The following PIK3R1 variants were observed in gnomAD, a reference collection of about 807,000 sequenced individuals.
PIK3R1 encodes the protein phosphoinositide-3-kinase regulatory subunit 1, also known as phosphatidylinositol 3-kinase regulatory subunit alpha.
PIK3R1 carries 29 observed loss-of-function variants against 98.0 expected under a neutral mutation model. The ratio of observed to expected loss-of-function variants is 0.30; its 90% CI spans 0.22 to 0.40. The LOEUF (loss-of-function observed/expected upper bound fraction) is 0.40, where lower values mean the gene tolerates loss of function less well. Ranked by LOEUF, PIK3R1 falls within the 10% of genes least tolerant of loss-of-function variation. PIK3R1 has a pLI of 1.00. For missense variants in PIK3R1, 596 were observed against 872.7 expected (o/e 0.68, Z 3.99); for synonymous variants, 282 against 311.8 (o/e 0.90, Z 1.01).
At chr5:68,249,252 G>T (rs1745212485) in intron 2 of PIK3R1, among the ~76,000 whole-genome samples, 1 of 152,104 alleles carries the variant, frequency 6.6e-6, no homozygotes. Context: ...TGTTCCAGTT[G>T]GTTTTGTTCC....
At chr5:68,250,154 T>TGCA (rs1745247855) in intron 2 of PIK3R1, among the ~76,000 whole-genome samples, 1 of 152,174 alleles carries the variant, frequency 6.6e-6, no homozygotes, top group Non-Finnish European at 1.5e-5. Context: ...CCTTAGCACT[T>TGCA]GCTCCTCTCC....
intron 2 of PIK3R1, among the ~76,000 whole-genome samples, chr5:68,250,949 T>C (rs997978039): frequency 6.6e-6 from 1 of 152,212 alleles, no homozygotes; most frequent in Non-Finnish European, 1.5e-5. Context: ...CTTCAGAAGA[T>C]AATTTTAAGA....
At chr5:68,281,064 AATG>A (rs1485522729) in intron 7 of PIK3R1, 58 bp downstream of exon 7, 1 of 1,133,642 alleles carries the variant, frequency 8.8e-7, no homozygotes, top group African/African-American at 1.6e-5. Flanking sequence ...AGCCTTAAAA[AATG>A]ATGGCTATAA....
At chr5:68,262,874 G>GATACATGTAGATACATGTATACATAT (rs1561279008) in intron 2 of PIK3R1, among the ~76,000 whole-genome samples, 1 of 87,834 alleles carries the variant, frequency 1.1e-5, no homozygotes, top group African/African-American at 4.7e-5. Context: ...TATACATGTA[G>GATACATGTAGATACATGTATACATAT]ATACATGTAG....
chr5:68,292,121 T>C (rs572712781), intron 7 of PIK3R1, 138 bp from the exon 8 acceptor site: 21 of 494,804 alleles, frequency 4.2e-5, no homozygotes, highest in African/African-American at 4.1e-4. Context: ...ATCTTCCATA[T>C]TGCATGGAAT....
At chr5:68,244,757 A>G (rs1745017792) in intron 2 of PIK3R1, among the ~76,000 whole-genome samples, 1 of 152,106 alleles carries the variant, frequency 6.6e-6, no homozygotes. Context: ...AGAAAAATGC[A>G]CTTGTTTGAA....
At chr5:68,277,996 T>G (rs1746652049) in intron 4 of PIK3R1, among the ~76,000 whole-genome samples, 1 of 152,150 alleles carries the variant, frequency 6.6e-6, no homozygotes, top group Admixed American at 6.5e-5. Context: ...TCCTTCGCAT[T>G]GCTAGTGTAC....
chr5:68,226,647 A>C lies in PIK3R1; in HGVS notation c.-29A>C. Reference sequence around the variant, plus strand: ...CAGACTGCTCTGTACAACCAGGCTCAACTGTTGCATGGTAGCAGATTTGCA... The same window carrying C: ...CAGACTGCTCTGTACAACCAGGCTCCACTGTTGCATGGTAGCAGATTTGCA... On this transcript the variant is annotated 5_prime_UTR_variant, in exon 2 of 16. Transcript: ENST00000521381. The C allele has an allele frequency of 6.4e-7, 1 of 1,564,652 alleles. No homozygotes were observed. Among genetic ancestry groups the C allele is most frequent in the Non-Finnish European group, 8.8e-7 (1 of 1,137,646 alleles).
chr5:68,232,030 T>G (rs1030254954), intron 2 of PIK3R1, among the ~76,000 whole-genome samples: 1 of 152,214 alleles, frequency 6.6e-6, no homozygotes, highest in Admixed American at 6.5e-5. Context: ...GCATGAAAAT[T>G]TAAGTGTTTG....
At chr5:68,293,242 A>G in intron 9 of PIK3R1, 43 bp downstream of exon 9, 1 of 1,595,540 alleles carries the variant, frequency 6.3e-7, no homozygotes, top group Non-Finnish European at 8.6e-7. Flanking sequence ...TTGGGCTGAT[A>G]TTAAAACATA....
rs201291990 is a variant in PIK3R1, at chr5:68,263,104, GATAC to G, written c.335-10278_335-10275del. Among the ~76,000 whole-genome samples the G allele has an allele frequency of 3.5e-3, 438 of 126,752 alleles. 27 individuals are homozygous for G. Among genetic ancestry groups the G allele is most frequent in the African/African-American group, 0.013 (407 of 31,804 alleles). 83.2% of individuals were successfully genotyped at this position (126,752 alleles called of 152,430 possible). On this transcript the variant is annotated intron_variant, in intron 2 of 15. Coordinates refer to ENST00000521381, the MANE Select transcript of PIK3R1 (RefSeq NM_181523.3). Reference sequence around the variant, plus strand: ...ATATACATGTAGATACATGTATATAGATACATACATAGATATATAGATACATAGA... The same window carrying G: ...ATATACATGTAGATACATGTATATAGATACATAGATATATAGATACATAGA...
intron 2 of PIK3R1, among the ~76,000 whole-genome samples, chr5:68,231,956 G>A (rs1159027950): frequency 6.6e-6 from 1 of 152,158 alleles, no homozygotes; most frequent in East Asian, 1.9e-4. Context: ...GGGCCTTTGA[G>A]CTCTGTCTCT....
intron 7 of PIK3R1, among the ~76,000 whole-genome samples, chr5:68,285,624 C>A: frequency 6.6e-6 from 1 of 152,144 alleles, no homozygotes; most frequent in Middle Eastern, 3.2e-3. Flanking sequence ...GGTATATAGT[C>A]AGTTTTACTT....
chr5:68,281,723 A>G (rs1251767336), intron 7 of PIK3R1, among the ~76,000 whole-genome samples: 1 of 152,206 alleles, frequency 6.6e-6, no homozygotes, highest in African/African-American at 2.4e-5. Context: ...AGGACCAGTA[A>G]AAGGTGTTGC....
intron 2 of PIK3R1, among the ~76,000 whole-genome samples, chr5:68,249,016 A>G (rs537912946): frequency 4.6e-5 from 7 of 152,356 alleles, no homozygotes; most frequent in African/African-American, 1.7e-4. Context: ...AAGGTGAGAT[A>G]GAGGGGAAAT....
chr5:68,293,000 C>T, intron 8 of PIK3R1, 101 bp from the exon 9 acceptor site: 2 of 936,266 alleles, frequency 2.1e-6, no homozygotes, highest in Non-Finnish European at 3.3e-6. Context: ...CTTGATTTTG[C>T]TGTGAACCTA....
chr5:68,290,548 G>A (rs1476767763), intron 7 of PIK3R1: 1 of 742,374 alleles, frequency 1.3e-6, no homozygotes, highest in Non-Finnish European at 2.0e-6. Flanking sequence ...TGGTATGGAA[G>A]AGAACTGATG....
At chr5:68,294,052 G>T (rs957328129) in intron 11 of PIK3R1, among the ~76,000 whole-genome samples, 9 of 152,204 alleles carry the variant, frequency 5.9e-5, no homozygotes, top group Non-Finnish European at 1.2e-4. Flanking sequence ...CGTGATAACT[G>T]AAGCAGTCAC....
At chr5:68,265,052 C>T (rs184749631) in intron 2 of PIK3R1, among the ~76,000 whole-genome samples, 85 of 152,270 alleles carry the variant, frequency 5.6e-4, no homozygotes, top group Non-Finnish European at 1.1e-3. Flanking sequence ...TGGATTTTCT[C>T]TCTGTGGCTG....
Sources: allele counts gnomAD v4.1 joint callset (sites outside exome capture counted in the v4.1 genomes callset), GRCh38; gene constraint gnomAD v4.1.1; transcripts MANE v1.5; gene names NCBI Gene and HGNC (gene_info 2026-07-23, HGNC 2026-07-21).